The following CCDC170 variants were observed in gnomAD, a reference collection of about 807,000 sequenced individuals.
CCDC170 encodes the protein coiled-coil domain-containing protein 170.
Under a neutral mutation model 72.6 loss-of-function variants are expected in CCDC170, and 69 were observed. That is an observed-to-expected ratio of 0.95 (90% CI 0.78 to 1.16). The LOEUF (loss-of-function observed/expected upper bound fraction) is 1.16. Among genes scored for constraint, CCDC170 ranks in the 50% most tolerant of loss-of-function variants. CCDC170 has a pLI of 0.00. For missense variants in CCDC170, 852 were observed against 832.5 expected, an observed-to-expected ratio of 1.02 and a Z score of -0.29; for synonymous variants, 300 against 303.9, an observed-to-expected ratio of 0.99 and a Z score of 0.13.
chr6:151,591,201 C>G (rs569472084), intron 7 of CCDC170, among the ~76,000 whole-genome samples: 2 of 152,250 alleles, frequency 1.3e-5, no homozygotes, highest in East Asian at 1.9e-4. Context: ...CCTATTTAAA[C>G]ATTTAATTGC....
rs1013278988 is a variant in CCDC170 at position 151,620,996 on chromosome 6, T to G, written c.*2849T>G. The G allele has an allele frequency of 6.6e-6, 1 of 152,218 alleles. No homozygotes were observed. The highest frequency in any genetic ancestry group is 2.1e-4 in the South Asian group (1 of 4,832). The allele number at this position is 152,218 out of a possible 1,614,324, so 9.4% of individuals were successfully genotyped here. ...GTGATCTTTAACATACACAGAATGA[T>G]CTACAGTGATCTTTAACATACTCAG... On this transcript the variant is annotated 3_prime_UTR_variant, in exon 11 of 11. Transcript: ENST00000239374.
chr6:151,497,755 C>T (rs1272895419), intron 1 of CCDC170, among the ~76,000 whole-genome samples: 1 of 151,814 alleles, frequency 6.6e-6, no homozygotes, highest in Non-Finnish European at 1.5e-5. Flanking sequence ...GCGGGAGGCT[C>T]ACTTGAGGTC....
At chr6:151,574,841 C>A (rs1776278438) in intron 6 of CCDC170, among the ~76,000 whole-genome samples, 1 of 152,182 alleles carries the variant, frequency 6.6e-6, no homozygotes, top group Non-Finnish European at 1.5e-5. Context: ...TTATAAAGAT[C>A]TTAACTCATT....
intron 1 of CCDC170, among the ~76,000 whole-genome samples, chr6:151,511,756 A>C (rs1325150893): frequency 6.6e-6 from 1 of 152,240 alleles, no homozygotes; most frequent in Non-Finnish European, 1.5e-5. Flanking sequence ...GAGGTCCAAG[A>C]AGATAAGATT....
chr6:151,522,451 C>T (rs1562270263), intron 1 of CCDC170, among the ~76,000 whole-genome samples: 3 of 152,152 alleles, frequency 2.0e-5, no homozygotes, highest in African/African-American at 4.8e-5. Flanking sequence ...TGACTCATTC[C>T]GATCACCTGC....
intron 1 of CCDC170, among the ~76,000 whole-genome samples, chr6:151,526,946 C>G (rs1009183940): frequency 2.0e-5 from 3 of 151,444 alleles, no homozygotes; most frequent in African/African-American, 7.3e-5. Context: ...ATTGCAGTGG[C>G]ACCATCATTG....
At chr6:151,602,513 A>G (rs951794174) in intron 9 of CCDC170, among the ~76,000 whole-genome samples, 10 of 152,184 alleles carry the variant, frequency 6.6e-5, no homozygotes, top group Non-Finnish European at 1.3e-4. Flanking sequence ...CCCAAATGTC[A>G]TCTTGAATTG....
rs112252721 is a variant in CCDC170, at chr6:151,499,195, C to T, written c.57+5010C>T. ...AGACTGTATTTGACTATTTTAGGCACGCTGCATAAGTGGAATCAGACTGTA... is the reference window on the plus strand; with the variant it reads ...AGACTGTATTTGACTATTTTAGGCATGCTGCATAAGTGGAATCAGACTGTA... On this transcript the variant is annotated intron_variant, in intron 1 of 10. Transcript: ENST00000239374. 4.2e-3 allele frequency among the ~76,000 whole-genome samples: 511 copies of T among 122,094 alleles called. 25 individuals are homozygous for T. Among genetic ancestry groups the T allele is most frequent in the Middle Eastern group, 9.6e-3 (2 of 208 alleles). 80.1% of individuals were successfully genotyped at this position (122,094 alleles called of 152,430 possible). A position where few individuals can be genotyped will look rare whatever the true frequency, so the allele number is the denominator to read the frequency against.
chr6:151,512,842 C>T (rs914758623), intron 1 of CCDC170, among the ~76,000 whole-genome samples: 3 of 152,076 alleles, frequency 2.0e-5, no homozygotes, highest in South Asian at 2.1e-4. Context: ...GATTATTCTT[C>T]GTGTGATAAA....
intron 5 of CCDC170, among the ~76,000 whole-genome samples, chr6:151,566,398 A>G (rs565686313): frequency 6.6e-6 from 1 of 152,164 alleles, no homozygotes; most frequent in Admixed American, 6.5e-5. Context: ...TTTTTTTCAA[A>G]CTATCTTTGG....
At chr6:151,607,987 T>C (rs1045213837) in intron 9 of CCDC170, among the ~76,000 whole-genome samples, 1 of 152,204 alleles carries the variant, frequency 6.6e-6, no homozygotes, top group Non-Finnish European at 1.5e-5. Flanking sequence ...ATTTGTTCAC[T>C]TAATGGTGTA....
intron 3 of CCDC170, among the ~76,000 whole-genome samples, chr6:151,542,082 G>A (rs1440294528): frequency 1.3e-5 from 2 of 151,706 alleles, no homozygotes; most frequent in Non-Finnish European, 2.9e-5. Flanking sequence ...GTTTTGCCAT[G>A]TTGGCCAGAC....
rs116162777 is a variant in CCDC170, at chr6:151,580,828, C to T, written c.1093-5061C>T. 5.0e-3 allele frequency among the ~76,000 whole-genome samples: 761 copies of T among 152,226 alleles called. 6 individuals carry two copies. Among genetic ancestry groups the T allele is most frequent in the African/African-American group, 0.017 (726 of 41,532 alleles). ...ATTCTTAATTGGTATAAGCATACCT[C>T]AGAGACCACTGCGACAAAGCAAGTG... On this transcript the variant is annotated intron_variant, in intron 6 of 10. Coordinates refer to ENST00000239374, the MANE Select transcript of CCDC170 (RefSeq NM_025059.4).
At chr6:151,553,161 A>T (rs937555415) in intron 5 of CCDC170, among the ~76,000 whole-genome samples, 1 of 152,200 alleles carries the variant, frequency 6.6e-6, no homozygotes, top group Non-Finnish European at 1.5e-5. Flanking sequence ...TTGATGATTT[A>T]TAAATGCTCA....
In CCDC170 at chr6:151,542,395, AT is replaced by A. The variant is rs199946926; in HGVS notation, c.444-2170del. On this transcript the variant is annotated intron_variant, in intron 3 of 10. Coordinates refer to ENST00000239374, the MANE Select transcript of CCDC170 (RefSeq NM_025059.4). The stretch of plus-strand genomic sequence containing the variant: ...GCCACTACACCCAGCTGATTTTTAA[AT>A]TTTTTTGTAGAGATGGCGTCTTGCC... Among the ~76,000 whole-genome samples the A allele has an allele frequency of 7.2e-3, 1,097 of 151,876 alleles. 13 individuals are homozygous for A. Among genetic ancestry groups the A allele is most frequent in the African/African-American group, 0.025 (1,037 of 41,396 alleles).
intron 1 of CCDC170, among the ~76,000 whole-genome samples, chr6:151,503,069 C>T (rs923841694): frequency 2.0e-5 from 3 of 151,850 alleles, no homozygotes; most frequent in East Asian, 3.9e-4. Flanking sequence ...CCCAGCTGCT[C>T]GGGAAGCTGA....
chr6:151,615,858 C>T (rs1365129236), intron 10 of CCDC170, 179 bp downstream of exon 10: 12 of 586,280 alleles, frequency 2.0e-5, no homozygotes, highest in Non-Finnish European at 3.3e-5. Context: ...AATGTTAACA[C>T]ATGTGCTCCC....
At chr6:151,575,656 A>G (rs940290971) in intron 6 of CCDC170, among the ~76,000 whole-genome samples, 26 of 146,554 alleles carry the variant, frequency 1.8e-4, no homozygotes, top group Non-Finnish European at 3.6e-4. Context: ...CAGCCTACCG[A>G]GTAGCTGGGA....
chr6:151,540,212 C>T (rs1437148842), intron 3 of CCDC170, among the ~76,000 whole-genome samples: 2 of 151,706 alleles, frequency 1.3e-5, no homozygotes, highest in Non-Finnish European at 2.9e-5. Context: ...AAGATGTTGG[C>T]CTATTCAGTT....
Sources: gnomAD v4.1 joint callset for allele counts (sites outside exome capture counted in the v4.1 genomes callset) on GRCh38, gnomAD v4.1.1 for gene constraint, MANE v1.5 for transcripts, NCBI Gene and HGNC (gene_info 2026-07-23, HGNC 2026-07-21) for gene names.